The following OLFM2 variants were observed in gnomAD, a reference collection of about 807,000 sequenced individuals.
OLFM2 encodes the protein olfactomedin 2.
A neutral mutation model predicts 43.9 loss-of-function variants in OLFM2; 20 were observed. That is an observed-to-expected ratio of 0.46 (90% CI 0.32 to 0.66). OLFM2 has a LOEUF of 0.66. OLFM2 is among the 30% of genes least tolerant of loss of function. The pLI is 0.04. For missense variants in OLFM2, 416 were observed against 643.6 expected (o/e 0.65, Z 3.83); for synonymous variants, 268 against 278.6 (o/e 0.96, Z 0.38).
Position 9,857,929 on chromosome 19 carries a change from C to A in OLFM2, c.214-68G>T, listed in dbSNP as rs890479582. The A allele has an allele frequency of 6.3e-7, 1 of 1,598,090 alleles. No individual in the cohort carries two copies. The highest frequency in any genetic ancestry group is 1.1e-5 in the South Asian group (1 of 90,352). ...AATCCCAACCCAGAGATGCCACAGA[C>A]AAGAGCTGGCAGGAACAGAGGCTGT... On this transcript the variant is annotated intron_variant, in intron 2 of 5. Coordinates refer to ENST00000264833, the MANE Select transcript of OLFM2 (RefSeq NM_058164.4). This position sits in a 1 kb window ranked among gnomAD's most constrained non-coding sequence, Gnocchi z 5.7.
chr19:9,913,277 G>A (rs1041181448), intron 1 of OLFM2, among the ~76,000 whole-genome samples: 7 of 152,156 alleles, frequency 4.6e-5, no homozygotes, highest in African/African-American at 1.7e-4. Context: ...CGCGGAGGTG[G>A]CTAGGGGTCC....
intron 1 of OLFM2, among the ~76,000 whole-genome samples, chr19:9,876,042 C>T (rs545191835): frequency 3.1e-4 from 47 of 152,232 alleles, no homozygotes; most frequent in African/African-American, 1.1e-3. Context: ...GTCATCTCCC[C>T]GCCACCGAGG....
chr19:9,863,739 G>A (rs1434504764), intron 1 of OLFM2, among the ~76,000 whole-genome samples: 6 of 151,624 alleles, frequency 4.0e-5, no homozygotes, highest in African/African-American at 1.5e-4. Flanking sequence ...ACTCAATCGA[G>A]TCTTTTTTTT....
At chr19:9,869,020 A>G (rs916092884) in intron 1 of OLFM2, among the ~76,000 whole-genome samples, 1 of 146,600 alleles carries the variant, frequency 6.8e-6, no homozygotes, top group Non-Finnish European at 1.5e-5. Context: ...AAACAAAAGC[A>G]GGGACATAAA....
At chr19:9,861,826 C>A (rs1208411542) in intron 1 of OLFM2, among the ~76,000 whole-genome samples, 1 of 152,128 alleles carries the variant, frequency 6.6e-6, no homozygotes, top group African/African-American at 2.4e-5. Context: ...TTGAGAACAG[C>A]CTGGCCAACA....
intron 1 of OLFM2, among the ~76,000 whole-genome samples, chr19:9,878,877 G>C (rs1599476524): frequency 6.6e-6 from 1 of 152,168 alleles, no homozygotes; most frequent in African/African-American, 2.4e-5. Flanking sequence ...GCTTGTTTGA[G>C]ACTCGGTAGC....
rs1174708462 is a variant in OLFM2 at position 9,856,509 on chromosome 19, A to T, written c.687+298T>A. Among the ~76,000 whole-genome samples, 1 of 152,168 alleles carries T rather than the reference A, an allele frequency of 6.6e-6. No individual in the cohort carries two copies. Among genetic ancestry groups the T allele is most frequent in the Admixed American group, 6.5e-5 (1 of 15,270 alleles). ...GTGGAAGAGGTCTCTTGTCCTTGGG[A>T]GGGCATTGGTCATTGGGTAGTTACT... On this transcript the variant is annotated intron_variant, in intron 5 of 5. Coordinates refer to ENST00000264833, the MANE Select transcript of OLFM2 (RefSeq NM_058164.4). This position sits in a 1 kb window ranked among gnomAD's most constrained non-coding sequence, Gnocchi z 4.0.
rs2046629805 is a variant in OLFM2 at position 9,890,537 on chromosome 19, C to T, written c.64-29743G>A. Among the ~76,000 whole-genome samples, 3 of 152,212 alleles carry T rather than the reference C, an allele frequency of 2.0e-5. 1 individual carries two copies. In the South Asian group the frequency reaches 6.2e-4, roughly 31 times the overall value. ...CTGCAGTAGTCAACAGAACTGTTGA[C>T]ACATTTTCTAGTTCTTTTCTCTTAG... On this transcript the variant is annotated intron_variant, in intron 1 of 5. Transcript: ENST00000264833.
At chr19:9,924,406 C>CA (rs1166738814) in intron 1 of OLFM2, among the ~76,000 whole-genome samples, 4,139 of 25,678 alleles carry the variant, frequency 0.16, 912 homozygotes, top group Non-Finnish European at 0.32. Context: ...ACTCTGTCTC[C>CA]AAAAAAAAAA....
At chr19:9,905,581 C>T (rs1028163599) in intron 1 of OLFM2, among the ~76,000 whole-genome samples, 6 of 150,698 alleles carry the variant, frequency 4.0e-5, no homozygotes, top group African/African-American at 7.3e-5. Flanking sequence ...GTGGAGGTTG[C>T]GCCACTGCAC....
chr19:9,868,153 C>T (rs1470074364), intron 1 of OLFM2, among the ~76,000 whole-genome samples: 3 of 151,894 alleles, frequency 2.0e-5, no homozygotes, highest in Non-Finnish European at 2.9e-5. Flanking sequence ...ATCTCCACCT[C>T]GAGGGTTCAA....
At chr19:9,875,592 G>A (rs1244175992) in intron 1 of OLFM2, among the ~76,000 whole-genome samples, 1 of 151,416 alleles carries the variant, frequency 6.6e-6, no homozygotes, top group Non-Finnish European at 1.5e-5. Context: ...CCTGGCTCAG[G>A]TGATCCTCCC....
intron 1 of OLFM2, among the ~76,000 whole-genome samples, chr19:9,877,299 T>TGA (rs1339080022): frequency 6.7e-6 from 1 of 149,524 alleles, no homozygotes; most frequent in African/African-American, 2.5e-5. Context: ...TTTGGGAGGC[T>TGA]GAGGCGGGCA....
intron 1 of OLFM2, among the ~76,000 whole-genome samples, chr19:9,863,017 G>A (rs1362151113): frequency 1.3e-5 from 2 of 150,376 alleles, no homozygotes; most frequent in Admixed American, 6.7e-5. Flanking sequence ...GTGGGGGGAC[G>A]TGAGGGTTGT....
chr19:9,932,017 T>C (rs1328971477), intron 1 of OLFM2, among the ~76,000 whole-genome samples: 1 of 152,302 alleles, frequency 6.6e-6, no homozygotes, highest in South Asian at 2.1e-4. Context: ...ATTCAGCAGA[T>C]ATTTCTTGAG....
rs373556421 is a variant in OLFM2 at position 9,927,044 on chromosome 19, G to C, written c.63+9260C>G. On this transcript the variant is annotated intron_variant, in intron 1 of 5. Transcript: ENST00000264833. ...GACGCCTGTAATCCCAGCACTTTAG[G>C]AGGCCGAGGCAGGCAGATCACGAGG... 2.9e-4 allele frequency among the ~76,000 whole-genome samples: 44 copies of C among 152,062 alleles called. No individual in the cohort carries two copies. The East Asian group carries it at 6.6e-3, about 23-fold the overall frequency.
chr19:9,928,212 TA>T (rs5827073), intron 1 of OLFM2, among the ~76,000 whole-genome samples: 33,416 of 141,032 alleles, frequency 0.24, 3,891 homozygotes, highest in African/African-American at 0.31. Flanking sequence ...CCCTGCGTCT[TA>T]AAAAAAAAAA....
chr19:9,920,905 T>A (rs139773264), intron 1 of OLFM2, among the ~76,000 whole-genome samples: 718 of 147,658 alleles, frequency 4.9e-3, no homozygotes, highest in African/African-American at 0.018. Flanking sequence ...AGACTCCATC[T>A]TGAAAAAAAA....
chr19:9,898,441 G>A (rs563524403), intron 1 of OLFM2, among the ~76,000 whole-genome samples: 4 of 151,912 alleles, frequency 2.6e-5, no homozygotes, highest in South Asian at 2.1e-4. Context: ...AGAATTGCTT[G>A]AACCCGGGAG....
Sources: allele counts gnomAD v4.1 joint callset (sites outside exome capture counted in the v4.1 genomes callset), GRCh38; gene constraint gnomAD v4.1.1; non-coding constraint Gnocchi (gnomAD v3.1); transcripts MANE v1.5; gene names NCBI Gene and HGNC (gene_info 2026-07-23, HGNC 2026-07-21).